Variants in DCHS2 observed in about 807,000 individuals in gnomAD.
DCHS2 encodes protocadherin-23.
DCHS2 carries 142 observed loss-of-function variants against 182.4 expected under a neutral mutation model. That is an observed-to-expected ratio of 0.78 (90% CI 0.68 to 0.89). The LOEUF is 0.89. Among genes scored for constraint, DCHS2 ranks in the 40% least tolerant of loss-of-function variants. The probability of loss-of-function intolerance (pLI) is 0.00; values close to 1 mark genes in which losing one functional copy is unlikely to be tolerated. For synonymous variants in DCHS2, 1,740 were observed against 1,663.3 expected (o/e 1.05, Z -1.12); for missense variants, 4,319 against 4,198.6 (o/e 1.03, Z -0.79).
intron 10 of DCHS2, among the ~76,000 whole-genome samples, chr4:154,311,565 T>C (rs1481274852): frequency 1.3e-5 from 2 of 152,120 alleles, no homozygotes; most frequent in Non-Finnish European, 2.9e-5. Context: ...GCCTCGACTG[T>C]ACAATGTCCT....
chr4:154,247,670 A>G (rs1447016501), intron 16 of DCHS2, among the ~76,000 whole-genome samples: 1 of 129,824 alleles, frequency 7.7e-6, no homozygotes, highest in African/African-American at 2.8e-5. Flanking sequence ...AAAAAAAAAA[A>G]AAGAATTAGA....
Position 154,320,637 on chromosome 4 carries a change from T to C in DCHS2, c.4762A>G (p.Thr1588Ala), listed in dbSNP as rs1213158887. The C allele has an allele frequency of 1.2e-6, 2 of 1,614,172 alleles. No individual in the cohort carries two copies. Among genetic ancestry groups the C allele is most frequent in the East Asian group, 2.2e-5 (1 of 44,886 alleles). Residue 1588 changes from threonine to alanine, a missense_variant, in exon 9 of 20, where the codon ACA (threonine) becomes GCA (alanine). Physicochemically the swap from Thr to Ala is moderately conservative, Grantham distance 58. Transcript: ENST00000357232. ...ESIPTVILTV[T>A]ASDQAVNVTD... The stretch of plus-strand genomic sequence containing the variant: ...ACATTCACAGCCTGATCAGATGCTG[T>C]TACTGTCAGGATGACAGTTGGAATG...
intron 1 of DCHS2, among the ~76,000 whole-genome samples, chr4:154,427,891 T>C (rs1248441240): frequency 2.0e-5 from 3 of 152,292 alleles, no homozygotes; most frequent in East Asian, 1.9e-4. Flanking sequence ...TTGAAATAAA[T>C]AGTAGAAACA....
chr4:154,455,283 T>G (rs2110985030), intron 1 of DCHS2, among the ~76,000 whole-genome samples: 1 of 152,290 alleles, frequency 6.6e-6, no homozygotes, highest in Non-Finnish European at 1.5e-5. Flanking sequence ...CCAGGCCAGC[T>G]CAAGAGAACG....
At chr4:154,312,954 C>G (rs1416699004) in intron 10 of DCHS2, among the ~76,000 whole-genome samples, 1 of 152,166 alleles carries the variant, frequency 6.6e-6, no homozygotes, top group Non-Finnish European at 1.5e-5. Context: ...CTCCCTGGCT[C>G]CAAGTGTAGA....
At chr4:154,312,007 T>A (rs1389177861) in intron 10 of DCHS2, among the ~76,000 whole-genome samples, 3 of 151,810 alleles carry the variant, frequency 2.0e-5, no homozygotes, top group Admixed American at 6.6e-5. Flanking sequence ...TAGAATTTTT[T>A]AATATATATA....
chr4:154,385,273 A>G (rs1327143636), intron 1 of DCHS2, among the ~76,000 whole-genome samples: 1 of 152,018 alleles, frequency 6.6e-6, no homozygotes, highest in African/African-American at 2.4e-5. Context: ...TTATGGCTGC[A>G]TAGTATTCCA....
intron 13 of DCHS2, among the ~76,000 whole-genome samples, chr4:154,291,255 A>T (rs1268324533): frequency 6.6e-6 from 1 of 152,076 alleles, no homozygotes; most frequent in African/African-American, 2.4e-5. Flanking sequence ...ATCTCATCTC[A>T]TTTAAAATGA....
At chr4:154,263,967 T>C (rs1293372986) in intron 14 of DCHS2, among the ~76,000 whole-genome samples, 1 of 152,078 alleles carries the variant, frequency 6.6e-6, no homozygotes, top group African/African-American at 2.4e-5. Flanking sequence ...CTTTTTTTTT[T>C]AACCTTGGTG....
At position 154,304,806 on chromosome 4, in the gene DCHS2, T is replaced by C; in HGVS notation, c.5468A>G (p.Asn1823Ser). 6.2e-7 allele frequency: 1 copy of C among 1,613,854 alleles called. No homozygotes were observed. Among genetic ancestry groups the C allele is most frequent in the Non-Finnish European group, 8.5e-7 (1 of 1,179,922 alleles). The change falls in exon 12 of 20, where the codon AAC becomes AGC. Residue 1823 changes from asparagine (N) to serine (S), a missense_variant. Asn to Ser is a conservative substitution (Grantham distance 46). Transcript: ENST00000357232. The stretch of plus-strand genomic sequence containing the variant: ...AACAATAAACTCTGGTGCGTGATCG[T>C]TTTCATCTTCAACAGTGCAGAGGAT... ...TTILCTVEDENDHAPEFIVSS... is the reference protein window; with the variant it reads ...TTILCTVEDESDHAPEFIVSS...
intron 12 of DCHS2, among the ~76,000 whole-genome samples, chr4:154,302,357 G>A (rs79657931): frequency 0.027 from 4,064 of 152,308 alleles, 167 homozygotes; most frequent in African/African-American, 0.092. Flanking sequence ...CTGTGCAGGC[G>A]TCTTGGTTTG....
In DCHS2 at chr4:154,320,501, G is replaced by C; in HGVS notation, c.4898C>G (p.Thr1633Arg). 1 of 1,614,104 alleles carries C rather than the reference G, an allele frequency of 6.2e-7. No homozygotes were observed. The highest frequency in any genetic ancestry group is 1.1e-5 in the South Asian group (1 of 91,078). ...FPNAHVKEDV[T>R]VGSLVHHITA... ...TATGTGGTGGACCAAGGAGCCCACT[G>C]TGACATCCTCTTTGACATGGGCATT... Residue 1633 changes from threonine to arginine, a missense_variant, in exon 9 of 20, where the codon ACA becomes AGA. Coordinates refer to ENST00000357232, the MANE Select transcript of DCHS2 (RefSeq NM_001358235.2).
chr4:154,459,734 TTCTCTCTCTCTCTCTCTCTCTCTCTCTC>T (rs60259256), intron 1 of DCHS2, among the ~76,000 whole-genome samples: 7 of 135,262 alleles, frequency 5.2e-5, no homozygotes, highest in African/African-American at 9.0e-5. Flanking sequence ...TATCTACACA[TTCTCTCTCTCTCTCTCTCTCTCTCTCTC>T]TCTCTCTCTC....
rs374637683 is a variant in DCHS2 at position 154,457,116 on chromosome 4, T to A, written c.2052+32188A>T. On this transcript the variant is annotated intron_variant, in intron 1 of 19. Transcript: ENST00000357232. ...GAATAAATGCACAAGTTCATTTATG[T>A]TGTGCTTTACATAAGTTTACCTACT... Among the ~76,000 whole-genome samples, 468 of 152,296 alleles carry A rather than the reference T, an allele frequency of 3.1e-3. 20 individuals are homozygous for A. In the South Asian group the frequency reaches 0.069, roughly 22 times the overall value.
rs1426446729 is a variant in DCHS2, at chr4:154,489,658, G to T, written c.1698C>A (p.Ala566=). 2 of 1,551,628 alleles carry T rather than the reference G, an allele frequency of 1.3e-6. No individual in the cohort carries two copies. The highest frequency in any genetic ancestry group is 1.2e-5 in the South Asian group (1 of 84,050). ...AGGCGTGATCACTGCCTGCCTCGTC[G>T]GCATCGGAGGCGCTGACCCACATGA... ...TVVMWVSASD[A]DEAGSDHAWL... The change falls in exon 1 of 20, where the codon GCC becomes GCA. Residue 566 remains alanine, a synonymous_variant. Coordinates refer to ENST00000357232, the MANE Select transcript of DCHS2 (RefSeq NM_001358235.2).
chr4:154,315,816 G>C lies in DCHS2; in HGVS notation c.5192C>G (p.Ala1731Gly), dbSNP rs756778875. The change falls in exon 10 of 20, where the codon GCC becomes GGC. Residue 1731 changes from alanine to glycine, a missense_variant. Physicochemically the swap from Ala to Gly is moderately conservative, Grantham distance 60. Coordinates refer to ENST00000357232, the MANE Select transcript of DCHS2 (RefSeq NM_001358235.2). ...APVFKQHLYE[A>G]SVKENQNPGE... is the part of the protein sequence containing the mutation. ...TGGATTTTGGTTTTCTTTCACTGAG[G>C]CTTCATACAGGTGCTGCTTAAATAC... 1.9e-6 allele frequency: 3 copies of C among 1,613,974 alleles called. No individual in the cohort carries two copies. Among genetic ancestry groups the C allele is most frequent in the Non-Finnish European group, 2.5e-6 (3 of 1,179,968 alleles).
chr4:154,442,786 C>G (rs184218881), intron 1 of DCHS2, among the ~76,000 whole-genome samples: 2 of 152,208 alleles, frequency 1.3e-5, no homozygotes, highest in Admixed American at 1.3e-4. Context: ...GGATTCCCCA[C>G]TTATTGTTAG....
chr4:154,333,419 C>A lies in DCHS2; in HGVS notation c.2789G>T (p.Gly930Val). 1.9e-6 allele frequency: 3 copies of A among 1,614,014 alleles called. No individual in the cohort carries two copies. The highest frequency in any genetic ancestry group is 1.7e-6 in the Non-Finnish European group (2 of 1,180,022). Residue 930 changes from glycine to valine, a missense_variant, in exon 5 of 20, where the codon GGC becomes GTC. Transcript: ENST00000357232. ...CAGGGGCTTCCGGGTGCGAATAGTG[C>A]CCAGCCGCGGGTGAATGGAGAACTT... ...GGKFSIHPRL[G>V]TIRTRKPLDH...
rs1292729321 is a variant in DCHS2 at position 154,236,317 on chromosome 4, G to T, written c.8335C>A (p.Pro2779Thr). The T allele has an allele frequency of 6.2e-7, 1 of 1,614,024 alleles. No individual in the cohort carries two copies. The highest frequency in any genetic ancestry group is 1.7e-5 in the Admixed American group (1 of 60,016). The change falls in exon 20 of 20, where the codon CCA becomes ACA. Residue 2779 changes from proline (P) to threonine (T), a missense_variant. Transcript: ENST00000357232. ...FMFSSFSCIV[P>T]ENLPISSTIC... is the part of the protein sequence containing the mutation. The stretch of plus-strand genomic sequence containing the variant: ...GTAGAGGAAATAGGCAGATTTTCTG[G>T]AACAATACAGCTGAAGCTTGAGAAC...
Sources: gnomAD v4.1 joint callset for allele counts (sites outside exome capture counted in the v4.1 genomes callset) on GRCh38, gnomAD v4.1.1 for gene constraint, MANE v1.5 for transcripts, NCBI Gene and HGNC (gene_info 2026-07-23, HGNC 2026-07-21) for gene names.